Variants in COPZ2 observed in about 807,000 individuals in gnomAD.
COPZ2 encodes the protein coatomer subunit zeta-2.
Under a neutral mutation model 33.2 loss-of-function variants are expected in COPZ2, and 30 were observed. The observed-to-expected ratio is 0.90, with a 90% CI of 0.68 to 1.23. COPZ2 has a LOEUF of 1.23. Among genes scored for constraint, COPZ2 ranks in the 50% most tolerant of loss-of-function variants. The probability of loss-of-function intolerance (pLI) is 0.00; values close to 1 mark genes in which losing one functional copy is unlikely to be tolerated. For synonymous variants in COPZ2, 89 were observed against 102.6 expected, an observed-to-expected ratio of 0.87 and a Z score of 0.80; for missense variants, 263 against 262.4, an observed-to-expected ratio of 1.00 and a Z score of -0.02.
At position 48,036,861 on chromosome 17, in the gene COPZ2, A is replaced by T. The variant is rs1598265131; in HGVS notation, c.176T>A (p.Leu59Gln). 6.2e-7 allele frequency: 1 copy of T among 1,613,456 alleles called. No homozygotes were observed. The highest frequency in any genetic ancestry group is 1.1e-5 in the South Asian group (1 of 91,052). Residue 59 changes from leucine to glutamine, a missense_variant, in exon 2 of 9, where the codon CTG (leucine) becomes CAG (glutamine). Leu to Gln is a moderately radical substitution (Grantham distance 113). Coordinates refer to ENST00000621465, the MANE Select transcript of COPZ2 (RefSeq NM_016429.4). ...VFILDNDGRR[L>Q]LAKYYDDTFP... ...GGGGTCAGAGGTTACCTTGGCCAGC[A>T]GCCGGCGCCCGTCATTATCTAGGAT...
upstream of COPZ2, among the ~76,000 whole-genome samples, chr17:48,040,520 C>T (rs1007628456): frequency 6.6e-6 from 1 of 151,072 alleles, no homozygotes; most frequent in Non-Finnish European, 1.5e-5. Context: ...GCAACCTCCG[C>T]CTCACGGGTT....
chr17:48,046,409 C>T, the COPZ2 span: 1 of 152,266 alleles, frequency 6.6e-6, no homozygotes, highest in Non-Finnish European at 1.5e-5. Context: ...GAAATCCTCC[C>T]ACCTCAGCCT....
rs774715627 is a variant in COPZ2 at position 48,032,712 on chromosome 17, C to T, written c.390G>A (p.Leu130=). The change falls in exon 5 of 9, where the codon CTG becomes CTA. Residue 130 remains leucine (L), a synonymous_variant. Transcript: ENST00000621465. ...ELMLMSVLTC[L]FESLNHMLRK... The stretch of plus-strand genomic sequence containing the variant: ...TTAACATGTGGTTCAGAGACTCAAA[C>T]AGGCAGGTGAGAACAGACATGAGCA... The T allele has an allele frequency of 6.3e-7, 1 of 1,594,350 alleles. No homozygotes were observed. The highest frequency in any genetic ancestry group is 1.8e-5 in the Admixed American group (1 of 56,962).
chr17:48,030,351 C>G (rs897697082), intron 6 of COPZ2, among the ~76,000 whole-genome samples: 12 of 149,348 alleles, frequency 8.0e-5, no homozygotes, highest in African/African-American at 2.9e-4. Flanking sequence ...CAAAAAAATT[C>G]CCTTTTGATA....
At chr17:48,027,197 A>C (rs2036829357) in intron 8 of COPZ2, among the ~76,000 whole-genome samples, 1 of 152,180 alleles carries the variant, frequency 6.6e-6, no homozygotes, top group Non-Finnish European at 1.5e-5. Flanking sequence ...CCTAGCCAGA[A>C]TCTAACTTTG....
the COPZ2 span, chr17:48,043,481 T>C: frequency 6.1e-6 from 6 of 977,898 alleles, no homozygotes; most frequent in Non-Finnish European, 7.3e-6. Flanking sequence ...GGGGGAGGTG[T>C]GTGTGGAATA....
Position 48,033,847 on chromosome 17 carries a change from A to C in COPZ2, c.268+16T>G. On this transcript the variant is annotated intron_variant, in intron 3 of 8. Transcript: ENST00000621465. ...GTGCATCTGATAGTCTGCTGGAGGA[A>C]GAGGGGGACACTTACTCTCAGTCCG... The C allele has an allele frequency of 2.5e-6, 4 of 1,584,842 alleles. No individual in the cohort carries two copies. Among genetic ancestry groups the C allele is most frequent in the Non-Finnish European group, 3.5e-6 (4 of 1,158,340 alleles).
chr17:48,039,515 A>AGAG (rs1327521274), upstream of COPZ2, among the ~76,000 whole-genome samples: 1 of 151,548 alleles, frequency 6.6e-6, no homozygotes, highest in Non-Finnish European at 1.5e-5. Flanking sequence ...AAAGAAAGGA[A>AGAG]GAGGAGGAGG....
rs201102249 is a variant in COPZ2 at position 48,032,157 on chromosome 17, C to G, written c.493G>C (p.Gly165Arg). 387 of 1,612,488 alleles carry G rather than the reference C, an allele frequency of 2.4e-4. 3 individuals are homozygous for G. In the Admixed American group the frequency reaches 6.4e-3, roughly 27 times the overall value. ...FLVLDEIVDG[G>R]VILESDPQQV... The stretch of plus-strand genomic sequence containing the variant: ...TGTCCCTGACTGTCCCCTCCTCACC[C>G]GCCATCCACAATCTCGTCCAGCACC... The change falls in exon 6 of 9, where the codon GGT (glycine) becomes CGT (arginine). Residue 165 changes from glycine to arginine, a missense_variant and splice_region_variant. Physicochemically the swap from Gly to Arg is moderately radical, Grantham distance 125. Coordinates refer to ENST00000621465, the MANE Select transcript of COPZ2 (RefSeq NM_016429.4).
chr17:48,037,822 G>A, upstream of COPZ2: 1 of 928,330 alleles, frequency 1.1e-6, no homozygotes, highest in Non-Finnish European at 1.2e-6. This position sits in a 1 kb window ranked among gnomAD's most constrained non-coding sequence, Gnocchi z 5.6. Flanking sequence ...CCGCCTGCCC[G>A]CCGCCGCCGC....
At chr17:48,032,110 T>C in intron 6 of COPZ2, 46 bp downstream of exon 6, 1 of 1,523,572 alleles carries the variant, frequency 6.6e-7, no homozygotes, top group South Asian at 1.2e-5. Context: ...CTGATGATTA[T>C]CAAAGGCACT....
At chr17:48,036,227 G>A (rs1222268956) in intron 2 of COPZ2, among the ~76,000 whole-genome samples, 1 of 152,160 alleles carries the variant, frequency 6.6e-6, no homozygotes, top group Non-Finnish European at 1.5e-5. Context: ...TGAGCTTCAT[G>A]TCAAAAAACC....
At chr17:48,041,979 G>A (rs1001439683), upstream of COPZ2, among the ~76,000 whole-genome samples, 2 of 152,032 alleles carry the variant, frequency 1.3e-5, no homozygotes, top group Admixed American at 6.6e-5. Context: ...CTCCATAGGG[G>A]AGGTGGGGAA....
chr17:48,036,617 C>G (rs1242303081), intron 2 of COPZ2, among the ~76,000 whole-genome samples: 1 of 152,160 alleles, frequency 6.6e-6, no homozygotes, highest in East Asian at 1.9e-4. Context: ...ATGCCCAGGT[C>G]CAACTGGCCA....
intron 6 of COPZ2, among the ~76,000 whole-genome samples, chr17:48,031,121 T>G (rs1302373709): frequency 6.6e-6 from 1 of 152,164 alleles, no homozygotes; most frequent in East Asian, 1.9e-4. Flanking sequence ...TATAAAATGA[T>G]GTAATGATAG....
upstream of COPZ2, among the ~76,000 whole-genome samples, chr17:48,040,715 G>C (rs2037053699): frequency 6.6e-6 from 1 of 151,952 alleles, no homozygotes; most frequent in Non-Finnish European, 1.5e-5. Flanking sequence ...ACAGGCATGA[G>C]CCACTGCACC....
chr17:48,040,572 A>C (rs919185839), upstream of COPZ2, among the ~76,000 whole-genome samples: 1 of 151,314 alleles, frequency 6.6e-6, no homozygotes, highest in Non-Finnish European at 1.5e-5. Flanking sequence ...AGTTGGGACT[A>C]CAGGTGCACA....
At chr17:48,045,274 G>T in the COPZ2 span, 1 of 152,094 alleles carries the variant, frequency 6.6e-6, no homozygotes, top group Non-Finnish European at 1.5e-5. Flanking sequence ...GACATTTTTA[G>T]AGGAAAGATA....
At chr17:48,026,889 C>A (rs539994024) in intron 8 of COPZ2, among the ~76,000 whole-genome samples, 1 of 152,376 alleles carries the variant, frequency 6.6e-6, no homozygotes, top group East Asian at 1.9e-4. Flanking sequence ...GTCCTCAACA[C>A]CCCACCGCAA....
Sources: allele counts gnomAD v4.1 joint callset (sites outside exome capture counted in the v4.1 genomes callset), GRCh38; gene constraint gnomAD v4.1.1; non-coding constraint Gnocchi (gnomAD v3.1); transcripts MANE v1.5; gene names NCBI Gene and HGNC (gene_info 2026-07-23, HGNC 2026-07-21).